The following SLC30A5 variants were observed in gnomAD, a reference collection of about 807,000 sequenced individuals.
SLC30A5 encodes the protein proton-coupled zinc antiporter SLC30A5.
SLC30A5 carries 33 observed loss-of-function variants against 79.6 expected under a neutral mutation model. The ratio of observed to expected loss-of-function variants is 0.41; its 90% confidence interval spans 0.31 to 0.55. SLC30A5 has a LOEUF of 0.55. Ranked by LOEUF, SLC30A5 falls within the 20% of genes least tolerant of loss-of-function variation. The pLI, the probability that SLC30A5 is intolerant of heterozygous loss-of-function variation, is 0.20. For synonymous variants in SLC30A5, 299 were observed against 319.7 expected, an observed-to-expected ratio of 0.94 and a Z score of 0.69; for missense variants, 788 against 928.1, an observed-to-expected ratio of 0.85 and a Z score of 1.96.
intron 1 of SLC30A5, among the ~76,000 whole-genome samples, chr5:69,094,724 A>AC (rs1263061981): frequency 1.3e-5 from 2 of 152,120 alleles, no homozygotes; most frequent in Non-Finnish European, 2.9e-5. Context: ...GGAAGGTGTC[A>AC]CCATCAGCTC....
In SLC30A5 at chr5:69,117,226, G is replaced by A. The variant is rs765417911; in HGVS notation, c.1282-13G>A. On this transcript the variant is annotated splice_polypyrimidine_tract_variant and intron_variant, in intron 10 of 15. Transcript: ENST00000396591. ...CAACATACTCCTCCCTTTTTTTTTG[G>A]TGACATTTTTAGCTTTTTACCTTTG... 1 of 1,594,516 alleles carries A rather than the reference G, an allele frequency of 6.3e-7. No homozygotes were observed. Among genetic ancestry groups the A allele is most frequent in the Non-Finnish European group, 8.5e-7 (1 of 1,170,406 alleles).
In SLC30A5 at chr5:69,116,706, G is replaced by A. The variant is rs1331757791; in HGVS notation, c.1281+104G>A. 1 of 723,632 alleles carries A rather than the reference G, an allele frequency of 1.4e-6. No individual in the cohort carries two copies. Among genetic ancestry groups the A allele is most frequent in the African/African-American group, 1.8e-5 (1 of 54,656 alleles). 44.8% of individuals were successfully genotyped at this position (723,632 alleles called of 1,614,324 possible). On this transcript the variant is annotated intron_variant, in intron 10 of 15. Transcript: ENST00000396591. The surrounding 1 kb of genome is among the most constrained non-coding windows in gnomAD (Gnocchi z 4.0). ...CTTCCCAAATTTCTGATAATAAGAT[G>A]AGCTAAAATTTAAATTTTTTCTAAG... is the stretch of plus-strand genomic sequence containing the variant.
At chr5:69,113,331 G>A (rs1746284394) in intron 6 of SLC30A5, 104 bp downstream of exon 6, 3 of 738,820 alleles carry the variant, frequency 4.1e-6, no homozygotes, top group African/African-American at 1.8e-5. Flanking sequence ...GATCAATGAT[G>A]AATGAAACTT....
chr5:69,106,270 T>C (rs1187328805), intron 4 of SLC30A5, among the ~76,000 whole-genome samples: 1 of 152,210 alleles, frequency 6.6e-6, no homozygotes, highest in Non-Finnish European at 1.5e-5. Flanking sequence ...CTGAATTTCC[T>C]AGCTTGGGAA....
chr5:69,127,970 T>A (rs773327757), intron 14 of SLC30A5, 34 bp from the exon 15 acceptor site: 1 of 1,581,254 alleles, frequency 6.3e-7, no homozygotes, highest in South Asian at 1.1e-5. Context: ...AAGTAGCCTG[T>A]ATGACCATTT....
At chr5:69,113,344 A>G in intron 6 of SLC30A5, 117 bp downstream of exon 6, 1 of 681,262 alleles carries the variant, frequency 1.5e-6, no homozygotes, top group Non-Finnish European at 2.4e-6. Context: ...TGAAACTTTC[A>G]TAGATTAATG....
At position 69,123,320 on chromosome 5, in the gene SLC30A5, A is replaced by G. The variant is rs1488378916; in HGVS notation, c.1893A>G (p.Ile631Met). 1 of 1,613,952 alleles carries G rather than the reference A, an allele frequency of 6.2e-7. No individual in the cohort carries two copies. The highest frequency in any genetic ancestry group is 8.5e-7 in the Non-Finnish European group (1 of 1,179,890). Residue 631 changes from isoleucine to methionine, a missense_variant, in exon 14 of 16, where the codon ATA becomes ATG. This residue lies in a region of SLC30A5 where 4 missense variants were observed against 16.4 expected (regional missense o/e 0.24). Transcript: ENST00000396591. ...ADPLCSLFIA[I>M]LIFLSVVPLI... ...CACTCTGTTCTCTTTTTATTGCTAT[A>G]TTAATATTTCTCAGTGTTGTTCCAC...
At chr5:69,123,992 A>T (rs538749819) in intron 14 of SLC30A5, among the ~76,000 whole-genome samples, 1 of 151,764 alleles carries the variant, frequency 6.6e-6, no homozygotes, top group South Asian at 2.1e-4. Flanking sequence ...GGGCACCTGT[A>T]GTCCCAGCTA....
intron 1 of SLC30A5, among the ~76,000 whole-genome samples, chr5:69,098,440 T>C (rs199691856): frequency 2.0e-5 from 3 of 152,148 alleles, no homozygotes; most frequent in Non-Finnish European, 4.4e-5. Flanking sequence ...GCAGGAGAAT[T>C]GCTTGAACCC....
chr5:69,128,251 T>C (rs751334119), intron 15 of SLC30A5, 119 bp downstream of exon 15: 8 of 82,872 alleles, frequency 9.7e-5, no homozygotes, highest in African/African-American at 2.2e-4. Flanking sequence ...CTTCCAACTC[T>C]TTTTTTTTTT....
intron 3 of SLC30A5, among the ~76,000 whole-genome samples, chr5:69,103,632 T>G (rs1270238033): frequency 6.6e-6 from 1 of 152,128 alleles, no homozygotes; most frequent in Non-Finnish European, 1.5e-5. Flanking sequence ...TGAGGAAAAA[T>G]GAATTAATAC....
At chr5:69,115,154 A>C in intron 7 of SLC30A5, 83 bp from the exon 8 acceptor site, 1 of 719,536 alleles carries the variant, frequency 1.4e-6, no homozygotes, top group East Asian at 3.4e-5. Context: ...AAAAAAAAAA[A>C]AAAAAAAAAA....
chr5:69,118,585 C>G lies in SLC30A5; in HGVS notation c.1526C>G (p.Ala509Gly). Residue 509 changes from alanine to glycine, a missense_variant, in exon 12 of 16, where the codon GCT becomes GGT. Physicochemically the swap from Ala to Gly is moderately conservative, Grantham distance 60. This residue lies in a region of SLC30A5 where 626 missense variants were observed against 755.5 expected (regional missense o/e 0.83). Transcript: ENST00000396591. ...IAFFVFMESV[A>G]RLIDPPELDT... ...TTTTTTGTGTTTATGGAGTCAGTGGCTAGATTGATTGATCCTCCAGAATTA... is the reference window on the plus strand; with the variant it reads ...TTTTTTGTGTTTATGGAGTCAGTGGGTAGATTGATTGATCCTCCAGAATTA... The G allele has an allele frequency of 6.3e-7, 1 of 1,598,960 alleles. No individual in the cohort carries two copies. The highest frequency in any genetic ancestry group is 8.5e-7 in the Non-Finnish European group (1 of 1,173,432).
At chr5:69,121,630 CTT>C in intron 12 of SLC30A5, 62 bp from the exon 13 acceptor site, 2 of 1,183,548 alleles carry the variant, frequency 1.7e-6, no homozygotes, top group Admixed American at 5.2e-5. Context: ...TATATAATAA[CTT>C]TTAAATAACA....
At chr5:69,095,301 A>G (rs1458120088) in intron 1 of SLC30A5, among the ~76,000 whole-genome samples, 1 of 149,022 alleles carries the variant, frequency 6.7e-6, no homozygotes, top group African/African-American at 2.5e-5. Flanking sequence ...CCCGGGTTCA[A>G]AAGATTCTCC....
In SLC30A5 at chr5:69,114,401, T is replaced by C. The variant is rs762989745; in HGVS notation, c.536-19T>C. On this transcript the variant is annotated intron_variant, in intron 6 of 15. Transcript: ENST00000396591. Reference sequence around the variant, plus strand: ...GAGTGACTTTTTGGAATTTTTTTCCTTTACTTCAACTCACTTAGCTGAAGG... The same window carrying C: ...GAGTGACTTTTTGGAATTTTTTTCCCTTACTTCAACTCACTTAGCTGAAGG... The C allele has an allele frequency of 1.7e-5, 26 of 1,546,914 alleles. No homozygotes were observed. The highest frequency in any genetic ancestry group is 2.2e-5 in the Non-Finnish European group (25 of 1,122,672).
intron 6 of SLC30A5, 118 bp downstream of exon 6, chr5:69,113,345 T>C (rs1405337163): frequency 1.6e-6 from 1 of 641,522 alleles, no homozygotes; most frequent in Non-Finnish European, 2.6e-6. Context: ...GAAACTTTCA[T>C]AGATTAATGT....
chr5:69,120,625 G>C (rs991912008), intron 12 of SLC30A5, among the ~76,000 whole-genome samples: 2 of 152,154 alleles, frequency 1.3e-5, no homozygotes, highest in African/African-American at 4.8e-5. Context: ...TGGAGTCTCT[G>C]TAAGCAGTAC....
intron 3 of SLC30A5, among the ~76,000 whole-genome samples, chr5:69,103,671 C>G (rs1318377978): frequency 6.6e-6 from 1 of 152,178 alleles, no homozygotes; most frequent in Non-Finnish European, 1.5e-5. Flanking sequence ...GATGCCTCAT[C>G]ATCATTGTGA....
Sources: gnomAD v4.1 joint callset for allele counts (sites outside exome capture counted in the v4.1 genomes callset) on GRCh38, gnomAD v4.1.1 for gene constraint, gnomAD v4.1.1 regional missense constraint, Gnocchi (gnomAD v3.1) non-coding constraint, MANE v1.5 for transcripts, NCBI Gene and HGNC (gene_info 2026-07-23, HGNC 2026-07-21) for gene names.